PREX2: variants seen among roughly 807,000 people sequenced by gnomAD.
PREX2 encodes the protein phosphatidylinositol 3,4,5-trisphosphate-dependent Rac exchanger 2 protein.
A neutral mutation model predicts 203.2 loss-of-function variants in PREX2; 107 were observed. The ratio of observed to expected loss-of-function variants is 0.53; its 90% CI spans 0.45 to 0.62. PREX2 has a LOEUF of 0.62. PREX2 is among the 20% of genes least tolerant of loss of function. The pLI is 0.00. For missense variants in PREX2, 1,777 were observed against 1,955.9 expected, an observed-to-expected ratio of 0.91 and a Z score of 1.72; for synonymous variants, 672 against 663.6, an observed-to-expected ratio of 1.01 and a Z score of -0.19.
At chr8:68,093,828 T>G in intron 21 of PREX2, 106 bp downstream of exon 21, 2 of 537,446 alleles carry the variant, frequency 3.7e-6, no homozygotes, top group Non-Finnish European at 6.7e-6. Flanking sequence ...GCCACATTCT[T>G]AAGTCGTTAT....
At chr8:68,041,636 G>A (rs1481729183) in intron 7 of PREX2, among the ~76,000 whole-genome samples, 1 of 151,988 alleles carries the variant, frequency 6.6e-6, no homozygotes, top group Non-Finnish European at 1.5e-5. Context: ...GGTTCTCTGT[G>A]TTTGATAGCA....
intron 35 of PREX2, among the ~76,000 whole-genome samples, chr8:68,160,705 C>T (rs979909652): frequency 2.6e-5 from 4 of 152,020 alleles, no homozygotes; most frequent in African/African-American, 9.7e-5. Context: ...TAAGTAACTA[C>T]AAAATGAGAT....
At position 68,097,216 on chromosome 8, in the gene PREX2, G is replaced by T. The variant is rs1404805149; in HGVS notation, c.2553+15G>T. 6.3e-7 allele frequency: 1 copy of T among 1,580,638 alleles called. No homozygotes were observed. The highest frequency in any genetic ancestry group is 1.1e-5 in the South Asian group (1 of 87,036). ...TAACTGCCAAGGTAGGAGCGATGCT[G>T]AAGAAATAAGATTTTTTGTTCTAAA... On this transcript the variant is annotated intron_variant, in intron 22 of 39. Transcript: ENST00000288368.
At chr8:68,106,517 G>T (rs1810416480) in intron 23 of PREX2, among the ~76,000 whole-genome samples, 1 of 152,054 alleles carries the variant, frequency 6.6e-6, no homozygotes, top group Non-Finnish European at 1.5e-5. Flanking sequence ...ACTGTGCGCT[G>T]GCACATGGCT....
chr8:68,158,121 A>ATGTG (rs1440713217), intron 35 of PREX2, among the ~76,000 whole-genome samples: 4 of 118,770 alleles, frequency 3.4e-5, no homozygotes, highest in African/African-American at 1.6e-4. Context: ...GTGTATATAT[A>ATGTG]TGTATATATA....
At chr8:67,997,265 TC>T (rs1444565043) in intron 1 of PREX2, among the ~76,000 whole-genome samples, 2 of 151,920 alleles carry the variant, frequency 1.3e-5, no homozygotes, top group African/African-American at 4.8e-5. Context: ...TCTACAATAG[TC>T]CCCCCTTAAC....
At chr8:68,210,273 C>T (rs1166391711) in intron 37 of PREX2, among the ~76,000 whole-genome samples, 1 of 152,158 alleles carries the variant, frequency 6.6e-6, no homozygotes, top group Non-Finnish European at 1.5e-5. Context: ...TTTACTGCAA[C>T]ATCTACATAA....
rs1428817699 is a variant in PREX2 at position 68,087,725 on chromosome 8, A to C, written c.2029A>C (p.Thr677Pro). 6.2e-7 allele frequency: 1 copy of C among 1,610,528 alleles called. No homozygotes were observed. Among genetic ancestry groups the C allele is most frequent in the South Asian group, 1.1e-5 (1 of 91,020 alleles). ...TACCTTATTTTCTGATTGATTTAGG[A>C]CAGTGAAAATTCCAGATTCAGCTGA... ...RVLVSTKPRE[T>P]VKIPDSADGL... The change falls in exon 19 of 40, where the codon ACA becomes CCA. Residue 677 changes from threonine (T) to proline (P), a missense_variant and splice_region_variant. Physicochemically the swap from Thr to Pro is conservative, Grantham distance 38 (BLOSUM62 -1). Coordinates refer to ENST00000288368, the MANE Select transcript of PREX2 (RefSeq NM_024870.4).
chr8:67,973,359 T>A (rs1805980438), intron 1 of PREX2, among the ~76,000 whole-genome samples: 1 of 152,204 alleles, frequency 6.6e-6, no homozygotes, highest in Non-Finnish European at 1.5e-5. Flanking sequence ...GGCATATCTG[T>A]CAAATTAACT....
At chr8:67,953,186 C>G (rs1053065025) in intron 1 of PREX2, among the ~76,000 whole-genome samples, 5 of 133,480 alleles carry the variant, frequency 3.7e-5, no homozygotes, top group African/African-American at 1.1e-4. Flanking sequence ...CCCCGCCCCC[C>G]GCCCCGGCTT....
At position 68,069,124 on chromosome 8, in the gene PREX2, C is replaced by A; in HGVS notation, c.1431C>A (p.Asp477Glu). 1 of 1,552,742 alleles carries A rather than the reference C, an allele frequency of 6.4e-7. No homozygotes were observed. Among genetic ancestry groups the A allele is most frequent in the Admixed American group, 1.9e-5 (1 of 52,466 alleles). The change falls in exon 12 of 40, where the codon GAC becomes GAA. Residue 477 changes from aspartate to glutamate, a missense_variant. Transcript: ENST00000288368. The stretch of plus-strand genomic sequence containing the variant: ...TTTATCCAAGAAATGAGATGCAGGA[C>A]GTGATTTCAAAGGTAACGACCTCTC... ...GTFYPRNEMQ[D>E]VISKGVRLYC... is the part of the protein sequence containing the mutation.
chr8:68,191,476 G>A (rs1025991250), intron 35 of PREX2, among the ~76,000 whole-genome samples: 8 of 152,104 alleles, frequency 5.3e-5, no homozygotes, highest in Non-Finnish European at 1.0e-4. Flanking sequence ...AATTATAAAT[G>A]AGAAAACTAA....
chr8:68,019,333 C>T (rs554047358), intron 2 of PREX2, among the ~76,000 whole-genome samples: 5 of 152,298 alleles, frequency 3.3e-5, no homozygotes, highest in African/African-American at 9.6e-5. Flanking sequence ...GTTGGGCAAC[C>T]GAGGCCTTGC....
chr8:68,044,364 C>CT (rs774110805), intron 7 of PREX2, 123 bp from the exon 8 acceptor site: 3 of 658,216 alleles, frequency 4.6e-6, no homozygotes, highest in Non-Finnish European at 8.1e-6. Context: ...CTCCAGGAGT[C>CT]TAATGTTTGA....
At chr8:67,955,008 G>A (rs1805456720) in intron 1 of PREX2, among the ~76,000 whole-genome samples, 1 of 151,998 alleles carries the variant, frequency 6.6e-6, no homozygotes, top group East Asian at 1.9e-4. Context: ...GCCGGGCGTG[G>A]TGGTGGACAC....
chr8:68,186,974 C>T (rs545520317), intron 35 of PREX2, among the ~76,000 whole-genome samples: 19 of 151,972 alleles, frequency 1.3e-4, no homozygotes, highest in South Asian at 6.2e-4. Flanking sequence ...AAGTGAATGT[C>T]GCAGAATCAG....
intron 1 of PREX2, among the ~76,000 whole-genome samples, chr8:68,014,579 G>A (rs769883105): frequency 8.5e-5 from 13 of 152,146 alleles, no homozygotes; most frequent in Non-Finnish European, 1.6e-4. Context: ...AGCTTTGATT[G>A]TGATTTTCAT....
At position 68,103,582 on chromosome 8, in the gene PREX2, T is replaced by C. The variant is rs553914126; in HGVS notation, c.2715+3739T>C. The C allele has an allele frequency of 3.7e-5, 19 of 519,078 alleles. No individual in the cohort carries two copies. The East Asian group carries it at 9.3e-4, about 25-fold the overall frequency. The allele number at this position is 519,078 out of a possible 1,614,324, so 32.2% of individuals were successfully genotyped here. A position where few individuals can be genotyped will look rare whatever the true frequency, so the allele number is the denominator to read the frequency against. ...GATCTTTCTCCTGGAAAAGGCTGTC[T>C]ATACCTGCTTTCTCACCTTCATTAC... On this transcript the variant is annotated intron_variant, in intron 23 of 39. Coordinates refer to ENST00000288368, the MANE Select transcript of PREX2 (RefSeq NM_024870.4).
intron 37 of PREX2, among the ~76,000 whole-genome samples, chr8:68,194,524 A>C (rs184601234): frequency 2.0e-5 from 3 of 152,130 alleles, no homozygotes; most frequent in Non-Finnish European, 4.4e-5. Context: ...GCAGTGGCTC[A>C]TGCCTATAAT....
Sources: allele counts gnomAD v4.1 joint callset (sites outside exome capture counted in the v4.1 genomes callset), GRCh38; gene constraint gnomAD v4.1.1; transcripts MANE v1.5; gene names NCBI Gene and HGNC (gene_info 2026-07-23, HGNC 2026-07-21).